Variants in TMEM217 observed in about 807,000 individuals in gnomAD.
TMEM217 encodes chromosome 6 open reading frame 128.
For synonymous variants in TMEM217, 76 were observed against 88.3 expected, an observed-to-expected ratio of 0.86 and a Z score of 0.78; for missense variants, 204 against 248.8, an observed-to-expected ratio of 0.82 and a Z score of 1.21.
At chr6:37,225,889 C>T (rs1763792841) in intron 1 of TMEM217, among the ~76,000 whole-genome samples, 1 of 152,188 alleles carries the variant, frequency 6.6e-6, no homozygotes, top group African/African-American at 2.4e-5. Context: ...CCCTTTCCCC[C>T]TTCCTGTTTT....
At chr6:37,222,883 A>C (rs1337914532) in intron 1 of TMEM217, among the ~76,000 whole-genome samples, 2 of 152,234 alleles carry the variant, frequency 1.3e-5, no homozygotes, top group Non-Finnish European at 2.9e-5. Flanking sequence ...CTGCAGCTGG[A>C]GTGACAGCCG....
downstream of TMEM217, chr6:37,215,391 A>G (rs2113799833): frequency 7.7e-7 from 1 of 1,302,542 alleles, no homozygotes; most frequent in Middle Eastern, 2.9e-4. Context: ...TCTAGCCAAC[A>G]TGGTGAAACC....
At chr6:37,223,343 A>G (rs1248805429) in intron 1 of TMEM217, among the ~76,000 whole-genome samples, 2 of 152,228 alleles carry the variant, frequency 1.3e-5, no homozygotes, top group Non-Finnish European at 2.9e-5. Flanking sequence ...CACCACACAC[A>G]AAAAGAAAAT....
chr6:37,214,848 T>C (rs1763096373), downstream of TMEM217, among the ~76,000 whole-genome samples: 1 of 152,198 alleles, frequency 6.6e-6, no homozygotes, highest in Non-Finnish European at 1.5e-5. Flanking sequence ...AGGGAGGCAG[T>C]GTGTTGTCTA....
chr6:37,238,780 T>G (rs916825464), intron 1 of TMEM217, among the ~76,000 whole-genome samples: 1 of 152,172 alleles, frequency 6.6e-6, no homozygotes, highest in Non-Finnish European at 1.5e-5. Context: ...TTTTTACATT[T>G]TATTGGTTAC....
intron 1 of TMEM217, among the ~76,000 whole-genome samples, chr6:37,240,334 G>C (rs950466116): frequency 1.3e-5 from 2 of 152,212 alleles, no homozygotes; most frequent in African/African-American, 4.8e-5. Flanking sequence ...TTGTGGGAGG[G>C]AAGTTTCATC....
intron 1 of TMEM217, among the ~76,000 whole-genome samples, chr6:37,238,792 C>T (rs1764616878): frequency 6.6e-6 from 1 of 152,186 alleles, no homozygotes; most frequent in South Asian, 2.1e-4. Context: ...ATTGGTTACT[C>T]TTGAGGTTGA....
At chr6:37,239,360 C>T (rs1181401290) in intron 1 of TMEM217, among the ~76,000 whole-genome samples, 4 of 151,576 alleles carry the variant, frequency 2.6e-5, no homozygotes, top group South Asian at 2.1e-4. Context: ...TTGGTGGCCA[C>T]GCCTGTAGTC....
intron 1 of TMEM217, among the ~76,000 whole-genome samples, chr6:37,247,728 T>A (rs1210957104): frequency 6.6e-6 from 1 of 152,108 alleles, no homozygotes; most frequent in Non-Finnish European, 1.5e-5. Context: ...AGCTTAATCC[T>A]GTGAAAAAAA....
At chr6:37,215,160 C>T (rs1021016060), downstream of TMEM217, 13 of 1,605,614 alleles carry the variant, frequency 8.1e-6, no homozygotes, top group East Asian at 2.2e-5. Context: ...TGCCGCTAGC[C>T]AAGGTCCTCT....
chr6:37,234,354 C>A (rs1764371770), intron 1 of TMEM217, among the ~76,000 whole-genome samples: 2 of 152,184 alleles, frequency 1.3e-5, no homozygotes, highest in Admixed American at 1.3e-4. Context: ...CCTGCCTTGG[C>A]CTCCCAAAGT....
chr6:37,229,221 C>A (rs537871927), intron 1 of TMEM217, among the ~76,000 whole-genome samples: 13 of 151,284 alleles, frequency 8.6e-5, no homozygotes, highest in Non-Finnish European at 1.8e-4. Flanking sequence ...GATTTACTAA[C>A]AACTATTCAG....
chr6:37,215,140 C>G, downstream of TMEM217: 1 of 1,600,774 alleles, frequency 6.2e-7, no homozygotes, highest in Admixed American at 1.7e-5. Flanking sequence ...AATGGCCTAA[C>G]TTCCCTTTCT....
chr6:37,239,610 G>A (rs535944945), intron 1 of TMEM217, among the ~76,000 whole-genome samples: 2 of 152,054 alleles, frequency 1.3e-5, no homozygotes, highest in East Asian at 1.9e-4. Flanking sequence ...TGCAGTTGAC[G>A]GCACCTTAGA....
chr6:37,218,795 C>T lies in TMEM217; in HGVS notation c.236G>A (p.Ser79Asn), dbSNP rs137998389. The T allele has an allele frequency of 2.3e-5, 37 of 1,614,140 alleles. No homozygotes were observed. The African/African-American group carries it at 4.9e-4, about 22-fold the overall frequency. Residue 79 changes from serine to asparagine, a missense_variant, in exon 2 of 2, where the codon AGC (serine) becomes AAC (asparagine). By Grantham distance (46) the Ser-to-Asn change is conservative. Transcript: ENST00000357219. ...ATACACTGAGTACAGGAGGAAGCAG[C>T]TGATGAGGATGGTGATGAAAGACAG...
chr6:37,212,616 C>A (rs763405738), exon 4 of TMEM217: 25 of 500,388 alleles, frequency 5.0e-5, no homozygotes, highest in Non-Finnish European at 6.7e-5. Context: ...GCAAATAACT[C>A]AGCGTCTTGA....
At chr6:37,229,558 G>A (rs1764076105) in intron 1 of TMEM217, among the ~76,000 whole-genome samples, 1 of 151,926 alleles carries the variant, frequency 6.6e-6, no homozygotes, top group Non-Finnish European at 1.5e-5. Flanking sequence ...TAGCCAGGAT[G>A]GTCTCGATCT....
chr6:37,213,899 G>A (rs1475983299), downstream of TMEM217, among the ~76,000 whole-genome samples: 1 of 152,202 alleles, frequency 6.6e-6, no homozygotes, highest in Non-Finnish European at 1.5e-5. Context: ...TGGGGCAAAG[G>A]AAGGGGCACA....
intron 1 of TMEM217, among the ~76,000 whole-genome samples, chr6:37,231,259 G>A (rs1436203658): frequency 1.4e-4 from 20 of 141,978 alleles, no homozygotes; most frequent in African/African-American, 4.5e-4. Flanking sequence ...TTGTAGAAAC[G>A]GGCTTTCACC....
Sources: gnomAD v4.1 joint callset for allele counts (sites outside exome capture counted in the v4.1 genomes callset) on GRCh38, gnomAD v4.1.1 for gene constraint, MANE v1.5 for transcripts, NCBI Gene and HGNC (gene_info 2026-07-23, HGNC 2026-07-21) for gene names.